BBS9: variants seen among roughly 807,000 people sequenced by gnomAD.
BBS9 encodes the protein protein PTHB1.
In BBS9, 89 loss-of-function variants were observed where a neutral mutation model predicts 117.7. The ratio of observed to expected loss-of-function variants is 0.76; its 90% confidence interval spans 0.64 to 0.90. BBS9 has a LOEUF of 0.90. Among genes scored for constraint, BBS9 ranks in the 40% least tolerant of loss-of-function variants. The pLI, the probability that BBS9 is intolerant of heterozygous loss-of-function variation, is 0.00. For missense variants in BBS9, 982 were observed against 1,042.2 expected (o/e 0.94, Z 0.80); for synonymous variants, 379 against 370.9 (o/e 1.02, Z -0.25).
rs182995037 is a variant in BBS9, at chr7:33,390,968, T to G, written c.2115+2824T>G. On this transcript the variant is annotated intron_variant, in intron 19 of 22. Coordinates refer to ENST00000242067, the MANE Select transcript of BBS9 (RefSeq NM_198428.3). ...TAGTGCATAGATGTACTTCTCTATT[T>G]GTAATGGTTACATAATAGTTTATGA... 2.6e-5 allele frequency among the ~76,000 whole-genome samples: 4 copies of G among 152,330 alleles called. No homozygotes were observed. The East Asian group carries it at 7.7e-4, about 29-fold the overall frequency.
At chr7:33,623,998 A>AAT (rs1554279550) in intron 21 of BBS9, among the ~76,000 whole-genome samples, 3,380 of 150,876 alleles carry the variant, frequency 0.022, 74 homozygotes, top group African/African-American at 0.056. Flanking sequence ...AAAAAAAAAA[A>AAT]TCATATAAGT....
chr7:33,485,722 T>C (rs1281751426), intron 19 of BBS9, among the ~76,000 whole-genome samples: 2 of 152,166 alleles, frequency 1.3e-5, no homozygotes, highest in Non-Finnish European at 2.9e-5. Context: ...GCCTTGACAA[T>C]AGTAGGCCAA....
intron 19 of BBS9, among the ~76,000 whole-genome samples, chr7:33,398,746 A>T (rs1828425234): frequency 6.6e-6 from 1 of 152,164 alleles, no homozygotes; most frequent in African/African-American, 2.4e-5. Context: ...TAATTAATTA[A>T]TTTATTTTTT....
At position 33,378,666 on chromosome 7, in the gene BBS9, T is replaced by C. The variant is rs79796368; in HGVS notation, c.1790-5000T>C. On this transcript the variant is annotated intron_variant, in intron 17 of 22. Coordinates refer to ENST00000242067, the MANE Select transcript of BBS9 (RefSeq NM_198428.3). ...AGGACAGTAAAAGGAAGGAGCTCCA[T>C]AGGCAGCTGAGGCAGACACTTGACT... Among the ~76,000 whole-genome samples, 1,313 of 152,334 alleles carry C rather than the reference T, an allele frequency of 8.6e-3. 15 individuals carry two copies. Among genetic ancestry groups the C allele is most frequent in the African/African-American group, 0.03 (1,251 of 41,574 alleles).
intron 2 of BBS9, among the ~76,000 whole-genome samples, chr7:33,151,787 G>A (rs1793365538): frequency 1.3e-5 from 2 of 150,218 alleles, no homozygotes; most frequent in South Asian, 2.1e-4. Context: ...CTGATCTCAA[G>A]TGATCTGCCT....
chr7:33,210,879 A>G (rs1235385130), intron 5 of BBS9, among the ~76,000 whole-genome samples: 4 of 152,104 alleles, frequency 2.6e-5, no homozygotes, highest in African/African-American at 9.7e-5. Flanking sequence ...TGTATAGATC[A>G]TTATACCCTG....
intron 21 of BBS9, among the ~76,000 whole-genome samples, chr7:33,553,838 G>A (rs1259656657): frequency 1.3e-5 from 2 of 152,080 alleles, no homozygotes; most frequent in East Asian, 3.9e-4. Flanking sequence ...AGAGAGACAG[G>A]ATTCGTACCC....
intron 15 of BBS9, among the ~76,000 whole-genome samples, chr7:33,355,008 G>GT (rs1245094437): frequency 2.0e-5 from 3 of 152,002 alleles, no homozygotes; most frequent in African/African-American, 7.2e-5. Flanking sequence ...TTCTCTCAGC[G>GT]TAACACTTAG....
chr7:33,584,225 CTTTTT>C (rs1296698404), intron 21 of BBS9, among the ~76,000 whole-genome samples: 1 of 151,820 alleles, frequency 6.6e-6, no homozygotes, highest in Non-Finnish European at 1.5e-5. Context: ...GAAAATAAGA[CTTTTT>C]ATTTTATATT....
In BBS9 at chr7:33,143,602, G is replaced by A. The variant is rs117269410; in HGVS notation, c.-11-2640G>A. Among the ~76,000 whole-genome samples, 210 of 151,874 alleles carry A rather than the reference G, an allele frequency of 1.4e-3. 6 individuals are homozygous for A. In the East Asian group the frequency reaches 0.037, roughly 27 times the overall value. On this transcript the variant is annotated intron_variant, in intron 1 of 22. Coordinates refer to ENST00000242067, the MANE Select transcript of BBS9 (RefSeq NM_198428.3). ...GTTGTTTGAGACAGAGCCTCACTCC[G>A]TAACCCAGGCTGGAGTACAGTGGCA...
At chr7:33,298,315 T>G (rs1472497458) in intron 9 of BBS9, among the ~76,000 whole-genome samples, 2 of 152,124 alleles carry the variant, frequency 1.3e-5, no homozygotes, top group African/African-American at 4.8e-5. Flanking sequence ...TCTCTGTGCC[T>G]CAGTGCCTCC....
chr7:33,164,348 G>A (rs765106014), intron 4 of BBS9, among the ~76,000 whole-genome samples: 2 of 152,150 alleles, frequency 1.3e-5, no homozygotes, highest in African/African-American at 2.4e-5. Flanking sequence ...TATTAGGTAC[G>A]CTTGGTGCAC....
rs549729402 is a variant in BBS9, at chr7:33,533,291, G to A, written c.2299-663G>A. On this transcript the variant is annotated intron_variant, in intron 20 of 22. Transcript: ENST00000242067. ...ACTTTTCTAGGTTTTTCACTGCAGC[G>A]CAGCCACACTGTTCCCAACAAAAGT... 3.9e-5 allele frequency among the ~76,000 whole-genome samples: 6 copies of A among 152,292 alleles called. No individual in the cohort carries two copies. The East Asian group carries it at 5.8e-4, about 15-fold the overall frequency.
intron 4 of BBS9, among the ~76,000 whole-genome samples, chr7:33,166,086 G>A (rs1183863700): frequency 2.0e-5 from 3 of 152,212 alleles, no homozygotes; most frequent in Non-Finnish European, 1.5e-5. Flanking sequence ...CCTTCTAACA[G>A]TCAGGTCCCT....
intron 5 of BBS9, among the ~76,000 whole-genome samples, chr7:33,238,278 G>A (rs752856591): frequency 4.7e-4 from 72 of 152,024 alleles, no homozygotes; most frequent in Non-Finnish European, 4.1e-4. Flanking sequence ...ATAGTGGGGA[G>A]TGTGATTCCT....
intron 5 of BBS9, among the ~76,000 whole-genome samples, chr7:33,180,948 C>T (rs148463514): frequency 1.5e-3 from 221 of 152,220 alleles, no homozygotes; most frequent in Middle Eastern, 6.8e-3. Flanking sequence ...ATCATAAAGG[C>T]GACAAAGTAT....
chr7:33,421,006 A>G (rs972253076), intron 19 of BBS9, among the ~76,000 whole-genome samples: 1 of 152,188 alleles, frequency 6.6e-6, no homozygotes, highest in African/African-American at 2.4e-5. Flanking sequence ...GCCAACACAA[A>G]TTGATTTGCT....
At chr7:33,397,889 T>C (rs974822717) in intron 19 of BBS9, among the ~76,000 whole-genome samples, 1 of 152,000 alleles carries the variant, frequency 6.6e-6, no homozygotes, top group Non-Finnish European at 1.5e-5. Context: ...ATCTAGGTGA[T>C]GGATTGATCT....
At chr7:33,209,747 T>G (rs1316524183) in intron 5 of BBS9, among the ~76,000 whole-genome samples, 1 of 152,176 alleles carries the variant, frequency 6.6e-6, no homozygotes, top group Non-Finnish European at 1.5e-5. Flanking sequence ...AAGTCTCCTT[T>G]TTCCTCTCTG....
Sources: allele counts gnomAD v4.1 joint callset (sites outside exome capture counted in the v4.1 genomes callset), GRCh38; gene constraint gnomAD v4.1.1; transcripts MANE v1.5; gene names NCBI Gene and HGNC (gene_info 2026-07-23, HGNC 2026-07-21).